Variants in ADGRL3 observed in about 807,000 individuals in gnomAD.
ADGRL3 encodes the protein adhesion G protein-coupled receptor L3.
ADGRL3 carries 62 observed loss-of-function variants against 153.5 expected under a neutral mutation model. The ratio of observed to expected loss-of-function variants is 0.40; its 90% CI spans 0.33 to 0.50. The LOEUF is 0.50. Ranked by LOEUF, ADGRL3 falls within the 20% of genes least tolerant of loss-of-function variation. ADGRL3 has a pLI of 0.47. For synonymous variants in ADGRL3, 710 were observed against 672.5 expected, an observed-to-expected ratio of 1.06 and a Z score of -0.86; for missense variants, 1,641 against 1,859.4, an observed-to-expected ratio of 0.88 and a Z score of 2.16.
At chr4:61,457,771 A>G (rs935407270) in intron 2 of ADGRL3, among the ~76,000 whole-genome samples, 4 of 151,814 alleles carry the variant, frequency 2.6e-5, no homozygotes, top group Admixed American at 1.3e-4. Context: ...GACATGTAAA[A>G]TGATTGGATT....
At chr4:61,365,069 T>C (rs1373613518) in intron 1 of ADGRL3, among the ~76,000 whole-genome samples, 1 of 152,150 alleles carries the variant, frequency 6.6e-6, no homozygotes, top group Non-Finnish European at 1.5e-5. Flanking sequence ...GGAAGATAAG[T>C]ATTATAAGTT....
chr4:61,765,358 G>A lies in ADGRL3; in HGVS notation c.1399+31804G>A, dbSNP rs542632462. Among the ~76,000 whole-genome samples the A allele has an allele frequency of 6.6e-5, 10 of 152,270 alleles. No homozygotes were observed. The South Asian group carries it at 1.5e-3, about 22-fold the overall frequency. On this transcript the variant is annotated intron_variant, in intron 8 of 26. Transcript: ENST00000683033. ...GTCTATACAGGAGCTTAAATGGGCT[G>A]TACCCTGTAGCATTCTGAAGACAGG...
intron 1 of ADGRL3, among the ~76,000 whole-genome samples, chr4:61,349,465 T>C (rs1414244652): frequency 6.6e-6 from 1 of 152,122 alleles, no homozygotes; most frequent in Non-Finnish European, 1.5e-5. Flanking sequence ...CCCATGGTTA[T>C]TTTAGCAATA....
intron 4 of ADGRL3, among the ~76,000 whole-genome samples, chr4:61,564,249 G>A (rs538227171): frequency 6.6e-6 from 1 of 151,884 alleles, no homozygotes; most frequent in East Asian, 1.9e-4. Context: ...GGGGGGCTTT[G>A]TTTTTTTGTT....
chr4:61,558,624 CATCT>C (rs1045832482), intron 4 of ADGRL3, among the ~76,000 whole-genome samples: 6 of 151,880 alleles, frequency 4.0e-5, no homozygotes, highest in Admixed American at 6.6e-5. Context: ...ATCAATCAAT[CATCT>C]ATCTGTCTGT....
At position 62,070,797 on chromosome 4, in the gene ADGRL3, C is replaced by A; in HGVS notation, c.4521C>A (p.Tyr1507Ter). Residue 1507 changes from tyrosine to a stop codon, truncating the protein, a stop_gained, in exon 27 of 27, where the codon TAC becomes TAA. Coordinates refer to ENST00000683033, the MANE Select transcript of ADGRL3 (RefSeq NM_001387552.1). LOFTEE classifies it high-confidence loss of function. ...ACCACGTCCATCAGCTGCATACTTA[C>A]TACCAGCTAGGTCGCGGCAGCAGTG... The part of the protein sequence containing the change: ...SRNHVHQLHT[Y>*]YQLGRGSSDG... The A allele has an allele frequency of 1.3e-6, 2 of 1,551,708 alleles. No homozygotes were observed. The highest frequency in any genetic ancestry group is 2.4e-5 in the East Asian group (1 of 40,896).
At chr4:61,212,241 G>GA (rs1740406186) in intron 1 of ADGRL3, 1 of 152,092 alleles carries the variant, frequency 6.6e-6, no homozygotes, top group Admixed American at 6.6e-5. Context: ...AGTAAAACCA[G>GA]AAAAAGTGAG....
At chr4:61,507,438 A>G (rs2098437764) in intron 3 of ADGRL3, among the ~76,000 whole-genome samples, 1 of 152,182 alleles carries the variant, frequency 6.6e-6, no homozygotes, top group Admixed American at 6.5e-5. Context: ...GTAGGTGTCC[A>G]ATAATAATCA....
At chr4:61,432,573 C>CTTTCTTTCTTTCTTTCTTTCTTTCTTTTT (rs1560622534) in intron 2 of ADGRL3, among the ~76,000 whole-genome samples, 1 of 35,864 alleles carries the variant, frequency 2.8e-5, no homozygotes, top group African/African-American at 7.7e-5. Flanking sequence ...TCTTTCTCTT[C>CTTTCTTTCTTTCTTTCTTTCTTTCTTTTT]CTTTCTTTCT....
intron 2 of ADGRL3, among the ~76,000 whole-genome samples, chr4:61,396,158 G>C (rs1002626910): frequency 6.6e-6 from 1 of 151,836 alleles, no homozygotes; most frequent in Non-Finnish European, 1.5e-5. Context: ...CAGATTTCCC[G>C]TACATACATG....
intron 17 of ADGRL3, among the ~76,000 whole-genome samples, chr4:61,950,251 A>C (rs549921161): frequency 6.6e-6 from 1 of 152,234 alleles, no homozygotes; most frequent in Non-Finnish European, 1.5e-5. Flanking sequence ...GTTTTTTTTT[A>C]GATGAGACAG....
intron 17 of ADGRL3, among the ~76,000 whole-genome samples, chr4:61,950,888 CA>C (rs2098944705): frequency 6.6e-6 from 1 of 152,130 alleles, no homozygotes. Flanking sequence ...TTCTTGGAGC[CA>C]TGTTTTGTGC....
chr4:61,238,373 G>A (rs1006032845), intron 1 of ADGRL3, among the ~76,000 whole-genome samples: 5 of 151,864 alleles, frequency 3.3e-5, no homozygotes, highest in South Asian at 2.1e-4. Context: ...TTCTGTTTTC[G>A]AGGTTTATCT....
chr4:61,703,492 C>T (rs2095803336), intron 6 of ADGRL3, among the ~76,000 whole-genome samples: 1 of 151,958 alleles, frequency 6.6e-6, no homozygotes, highest in Non-Finnish European at 1.5e-5. Context: ...CTGTGTTAGA[C>T]ATCTATCTGG....
intron 1 of ADGRL3, among the ~76,000 whole-genome samples, chr4:61,319,660 G>A (rs1045515276): frequency 1.3e-5 from 2 of 152,128 alleles, no homozygotes; most frequent in African/African-American, 4.8e-5. Context: ...AAATTTGATT[G>A]TACGTCAAAT....
chr4:61,510,319 T>G (rs1326393310), intron 3 of ADGRL3, among the ~76,000 whole-genome samples: 1 of 152,172 alleles, frequency 6.6e-6, no homozygotes, highest in African/African-American at 2.4e-5. Flanking sequence ...AGGACAGTCA[T>G]AAATTCTTTC....
At chr4:61,594,079 A>G (rs1324056773) in intron 5 of ADGRL3, among the ~76,000 whole-genome samples, 6 of 152,252 alleles carry the variant, frequency 3.9e-5, no homozygotes, top group East Asian at 3.9e-4. Context: ...CAATTCTGCT[A>G]TTAAGAGACT....
intron 13 of ADGRL3, among the ~76,000 whole-genome samples, chr4:61,926,927 C>T (rs2098796690): frequency 6.6e-6 from 1 of 152,142 alleles, no homozygotes; most frequent in African/African-American, 2.4e-5. Flanking sequence ...TATTCTCTTT[C>T]ACCTCTGTGC....
At chr4:61,507,789 A>G (rs2098439891) in intron 3 of ADGRL3, among the ~76,000 whole-genome samples, 1 of 152,196 alleles carries the variant, frequency 6.6e-6, no homozygotes, top group Non-Finnish European at 1.5e-5. Flanking sequence ...AGAGGGAGCT[A>G]GAACTCCCTA....
Sources: allele counts gnomAD v4.1 joint callset (sites outside exome capture counted in the v4.1 genomes callset), GRCh38; gene constraint gnomAD v4.1.1; transcripts MANE v1.5; gene names NCBI Gene and HGNC (gene_info 2026-07-23, HGNC 2026-07-21).